CLSTN2: variants seen among roughly 807,000 people sequenced by gnomAD.
CLSTN2 encodes calsyntenin 2.
Under a neutral mutation model 101.2 loss-of-function variants are expected in CLSTN2, and 48 were observed. That is an observed-to-expected ratio of 0.47 (90% confidence interval 0.38 to 0.60). CLSTN2 has a LOEUF of 0.60. Among genes scored for constraint, CLSTN2 ranks in the 20% least tolerant of loss-of-function variants. The pLI, the probability that CLSTN2 is intolerant of heterozygous loss-of-function variation, is 0.00. For missense variants in CLSTN2, 1,160 were observed against 1,238.2 expected, an observed-to-expected ratio of 0.94 and a Z score of 0.95; for synonymous variants, 481 against 463.6, an observed-to-expected ratio of 1.04 and a Z score of -0.48.
intron 1 of CLSTN2, among the ~76,000 whole-genome samples, chr3:140,130,929 T>C (rs879777247): frequency 6.6e-6 from 1 of 152,182 alleles, no homozygotes; most frequent in African/African-American, 2.4e-5. Context: ...TCCTGAGCTC[T>C]TAATTTTGCT....
chr3:140,341,780 A>G (rs1321002354), intron 2 of CLSTN2, among the ~76,000 whole-genome samples: 3 of 152,236 alleles, frequency 2.0e-5, no homozygotes, highest in African/African-American at 7.2e-5. Context: ...TACTACAGTT[A>G]CAATGTCCTG....
At position 140,448,480 on chromosome 3, in the gene CLSTN2, G is replaced by A. The variant is rs138224225; in HGVS notation, c.788-39G>A. Reference sequence around the variant, plus strand: ...AAGAAATGTTCCAGCAGAACTGACTGCACCTGATTCACTTTTCATCCTTTC... The same window carrying A: ...AAGAAATGTTCCAGCAGAACTGACTACACCTGATTCACTTTTCATCCTTTC... On this transcript the variant is annotated intron_variant, in intron 5 of 16. Transcript: ENST00000458420. 4.5e-3 allele frequency: 6,943 copies of A among 1,538,516 alleles called. 28 individuals carry two copies. The highest frequency in any genetic ancestry group is 5.4e-3 in the Non-Finnish European group (6,027 of 1,117,348).
chr3:140,224,721 C>T (rs1321895184), intron 2 of CLSTN2, among the ~76,000 whole-genome samples: 1 of 152,182 alleles, frequency 6.6e-6, no homozygotes. Flanking sequence ...GTCAGAGGAT[C>T]TGAGCAGCCC....
chr3:140,189,122 T>G (rs1166140354), intron 2 of CLSTN2, among the ~76,000 whole-genome samples: 1 of 152,222 alleles, frequency 6.6e-6, no homozygotes, highest in African/African-American at 2.4e-5. Context: ...TTTTTATTGT[T>G]GAGTGGTAGT....
At chr3:140,039,988 G>A (rs559384702) in intron 1 of CLSTN2, among the ~76,000 whole-genome samples, 2 of 152,068 alleles carry the variant, frequency 1.3e-5, no homozygotes, top group Non-Finnish European at 2.9e-5. Flanking sequence ...AAGAAATCAA[G>A]GCTCTCATAT....
intron 4 of CLSTN2, among the ~76,000 whole-genome samples, chr3:140,414,362 A>T (rs1344627320): frequency 2.0e-5 from 3 of 152,166 alleles, no homozygotes; most frequent in Non-Finnish European, 4.4e-5. Flanking sequence ...ACAGAAAACT[A>T]TAAAACATTG....
At chr3:140,213,989 C>T (rs1000963453) in intron 2 of CLSTN2, among the ~76,000 whole-genome samples, 20 of 152,048 alleles carry the variant, frequency 1.3e-4, no homozygotes, top group Non-Finnish European at 2.1e-4. Flanking sequence ...TGAGCTAATC[C>T]ATTCAATATT....
intron 2 of CLSTN2, among the ~76,000 whole-genome samples, chr3:140,221,497 G>T (rs1443583327): frequency 1.3e-5 from 2 of 152,032 alleles, no homozygotes; most frequent in African/African-American, 4.8e-5. Flanking sequence ...TAGCAATAGT[G>T]GCAGTTAACA....
intron 2 of CLSTN2, among the ~76,000 whole-genome samples, chr3:140,205,380 A>T (rs1332036923): frequency 6.6e-6 from 1 of 152,040 alleles, no homozygotes; most frequent in Non-Finnish European, 1.5e-5. Flanking sequence ...GTAGATAAGA[A>T]GACAAAACAG....
chr3:140,363,946 G>A (rs528559867), intron 2 of CLSTN2, among the ~76,000 whole-genome samples: 2 of 152,148 alleles, frequency 1.3e-5, no homozygotes, highest in Admixed American at 6.5e-5. Context: ...TCTCTCATTC[G>A]CAAACCAAGA....
intron 1 of CLSTN2, among the ~76,000 whole-genome samples, chr3:139,938,140 C>CAAAAAAAA (rs66697366): frequency 2.1e-5 from 2 of 94,748 alleles, no homozygotes; most frequent in African/African-American, 4.3e-5. Context: ...ATTCCCATCA[C>CAAAAAAAA]AAAAAAAAAA....
chr3:140,059,255 G>A (rs531324824), intron 1 of CLSTN2, among the ~76,000 whole-genome samples: 1 of 152,230 alleles, frequency 6.6e-6, no homozygotes. Flanking sequence ...CCCATGATAA[G>A]TGTCCTAAGA....
intron 1 of CLSTN2, among the ~76,000 whole-genome samples, chr3:140,152,120 A>G (rs897375998): frequency 2.0e-5 from 3 of 152,224 alleles, no homozygotes; most frequent in African/African-American, 7.2e-5. Flanking sequence ...GCTATTAATT[A>G]ATGTATTATT....
chr3:140,374,131 T>A (rs1266748681), intron 2 of CLSTN2, among the ~76,000 whole-genome samples: 1 of 152,230 alleles, frequency 6.6e-6, no homozygotes, highest in African/African-American at 2.4e-5. Flanking sequence ...TGCCCCTGAC[T>A]TCAGCATATT....
At chr3:140,117,019 C>T (rs1425597938) in intron 1 of CLSTN2, among the ~76,000 whole-genome samples, 1 of 152,188 alleles carries the variant, frequency 6.6e-6, no homozygotes, top group Non-Finnish European at 1.5e-5. Context: ...CTTTCCCCTG[C>T]TCTGCTGTTC....
At chr3:140,371,720 A>G (rs1259511669) in intron 2 of CLSTN2, among the ~76,000 whole-genome samples, 1 of 152,226 alleles carries the variant, frequency 6.6e-6, no homozygotes, top group Non-Finnish European at 1.5e-5. Flanking sequence ...CCACACAAGC[A>G]TTAATTTCTT....
At chr3:140,410,640 A>ACAG (rs2088353990) in intron 4 of CLSTN2, among the ~76,000 whole-genome samples, 1 of 152,104 alleles carries the variant, frequency 6.6e-6, no homozygotes, top group African/African-American at 2.4e-5. Context: ...GGTAAAAATC[A>ACAG]GTAAATATTC....
chr3:140,195,346 A>C (rs889308583), intron 2 of CLSTN2, among the ~76,000 whole-genome samples: 12 of 152,122 alleles, frequency 7.9e-5, no homozygotes, highest in African/African-American at 2.9e-4. Flanking sequence ...TGTATGAGGT[A>C]AGAAGAAAAC....
intron 1 of CLSTN2, among the ~76,000 whole-genome samples, chr3:140,162,832 T>C (rs903163969): frequency 6.6e-6 from 1 of 152,212 alleles, no homozygotes; most frequent in African/African-American, 2.4e-5. Context: ...CATCCATCGT[T>C]CTGGACATCT....
Sources: allele counts gnomAD v4.1 joint callset (sites outside exome capture counted in the v4.1 genomes callset), GRCh38; gene constraint gnomAD v4.1.1; transcripts MANE v1.5; gene names NCBI Gene and HGNC (gene_info 2026-07-23, HGNC 2026-07-21).